BIRC6: variants seen among roughly 807,000 people sequenced by gnomAD.
The protein encoded by BIRC6 is dual E2 ubiquitin-conjugating enzyme/E3 ubiquitin-protein ligase BIRC6.
In BIRC6, 98 loss-of-function variants were observed where a neutral mutation model predicts 503.3. The ratio of observed to expected loss-of-function variants is 0.19; its 90% CI spans 0.17 to 0.23. The LOEUF is 0.23. Among genes scored for constraint, BIRC6 ranks in the 10% least tolerant of loss-of-function variants. BIRC6 has a pLI of 1.00. For missense variants in BIRC6, 5,360 were observed against 5,806.0 expected (o/e 0.92, Z 2.50); for synonymous variants, 2,240 against 2,078.7 (o/e 1.08, Z -2.11).
At chr2:32,506,213 A>T (rs1314374973) in intron 50 of BIRC6, among the ~76,000 whole-genome samples, 2 of 152,140 alleles carry the variant, frequency 1.3e-5, no homozygotes, top group African/African-American at 4.8e-5. Context: ...GAATTGTTTA[A>T]ATTAATACAC....
At chr2:32,522,852 CCA>C (rs1442335265) in intron 57 of BIRC6, 2 of 152,062 alleles carry the variant, frequency 1.3e-5, no homozygotes, top group African/African-American at 4.8e-5. Flanking sequence ...CTCTGGAGAT[CCA>C]GGGATCTCCA....
At chr2:32,519,739 A>C (rs543691595) in intron 57 of BIRC6, among the ~76,000 whole-genome samples, 135 of 152,244 alleles carry the variant, frequency 8.9e-4, no homozygotes, top group African/African-American at 3.2e-3. Context: ...GCTGGTCTCG[A>C]ACTCCTGACC....
intron 57 of BIRC6, among the ~76,000 whole-genome samples, chr2:32,519,537 G>T (rs147959440): frequency 5.3e-5 from 8 of 151,764 alleles, no homozygotes; most frequent in Admixed American, 4.6e-4. Context: ...AATTTTGAGA[G>T]GGGGGTCTCA....
chr2:32,495,019 G>A (rs1426460511), intron 45 of BIRC6, among the ~76,000 whole-genome samples: 1 of 152,188 alleles, frequency 6.6e-6, no homozygotes, highest in African/African-American at 2.4e-5. Context: ...TGAGGATTTT[G>A]TGAAATTTTG....
chr2:32,364,521 G>A (rs1279126606), intron 1 of BIRC6, among the ~76,000 whole-genome samples: 2 of 152,078 alleles, frequency 1.3e-5, no homozygotes, highest in African/African-American at 2.4e-5. Flanking sequence ...GATTGCAGGC[G>A]TGAGCCACCG....
Position 32,575,181 on chromosome 2 carries a change from A to G in BIRC6, c.13170A>G (p.Pro4390=), listed in dbSNP as rs1418230587. ...TTCTGGACATGGCAAGACATGTGCCACTCTATCGGGCACTGCTGGAATTGC... is the reference window on the plus strand; with the variant it reads ...TTCTGGACATGGCAAGACATGTGCCGCTCTATCGGGCACTGCTGGAATTGC... ...DSVLDMARHV[P]LYRALLELLR... is the part of the protein sequence containing the mutation. Residue 4390 remains proline (P), a synonymous_variant, in exon 66 of 74, where the codon CCA becomes CCG. Coordinates refer to ENST00000421745, the MANE Select transcript of BIRC6 (RefSeq NM_016252.4). 6.2e-7 allele frequency: 1 copy of G among 1,613,472 alleles called. No homozygotes were observed. Among genetic ancestry groups the G allele is most frequent in the Non-Finnish European group, 8.5e-7 (1 of 1,179,828 alleles).
chr2:32,500,534 C>G (rs568158313), intron 46 of BIRC6, among the ~76,000 whole-genome samples: 22 of 151,914 alleles, frequency 1.4e-4, no homozygotes, highest in Non-Finnish European at 2.4e-4. Context: ...ACTCCTGCCT[C>G]AGCCTACCGA....
intron 10 of BIRC6, among the ~76,000 whole-genome samples, chr2:32,427,727 A>G (rs1299015591): frequency 6.6e-6 from 1 of 152,058 alleles, no homozygotes; most frequent in Non-Finnish European, 1.5e-5. Context: ...GAAGTCCGAG[A>G]AGACATTTTC....
At chr2:32,389,324 C>G (rs2038910883) in intron 4 of BIRC6, among the ~76,000 whole-genome samples, 1 of 150,440 alleles carries the variant, frequency 6.6e-6, no homozygotes, top group Admixed American at 6.6e-5. Context: ...TAAATTTTGC[C>G]TAACTTACCA....
chr2:32,544,623 A>G (rs1192837743), intron 62 of BIRC6, among the ~76,000 whole-genome samples: 21 of 151,830 alleles, frequency 1.4e-4, no homozygotes, highest in Non-Finnish European at 1.5e-5. Context: ...TTTAGAAAGA[A>G]TAAAATGTTA....
At chr2:32,358,069 G>T (rs894183662) in intron 1 of BIRC6, among the ~76,000 whole-genome samples, 6 of 138,758 alleles carry the variant, frequency 4.3e-5, no homozygotes, top group Non-Finnish European at 7.8e-5. Flanking sequence ...CGTGGTGGGG[G>T]TGGGGAGGGA....
intron 61 of BIRC6, among the ~76,000 whole-genome samples, chr2:32,539,646 G>A (rs1339951632): frequency 3.3e-5 from 5 of 152,078 alleles, no homozygotes; most frequent in Non-Finnish European, 5.9e-5. Context: ...AACATGACAT[G>A]GGATATAGCT....
chr2:32,605,904 G>T (rs941076159), intron 71 of BIRC6, among the ~76,000 whole-genome samples: 1 of 152,134 alleles, frequency 6.6e-6, no homozygotes, highest in African/African-American at 2.4e-5. Flanking sequence ...CTTTATCTCA[G>T]AAATAATATG....
At chr2:32,492,894 C>A (rs2149352556) in intron 44 of BIRC6, among the ~76,000 whole-genome samples, 1 of 151,902 alleles carries the variant, frequency 6.6e-6, no homozygotes, top group East Asian at 1.9e-4. Flanking sequence ...ATGAGTTGTT[C>A]ATCAAATCAA....
At chr2:32,503,821 T>A (rs1056157752) in intron 49 of BIRC6, among the ~76,000 whole-genome samples, 4 of 152,164 alleles carry the variant, frequency 2.6e-5, no homozygotes, top group African/African-American at 9.7e-5. Flanking sequence ...GATTCTTCCG[T>A]AAGTTTTCTC....
At position 32,441,366 on chromosome 2, in the gene BIRC6, G is replaced by T; in HGVS notation, c.3848G>T (p.Gly1283Val). The T allele has an allele frequency of 6.3e-7, 1 of 1,595,748 alleles. No individual in the cohort carries two copies. The highest frequency in any genetic ancestry group is 1.1e-5 in the South Asian group (1 of 89,326). Residue 1283 changes from glycine to valine, a missense_variant, in exon 17 of 74, where the codon GGC becomes GTC. By Grantham distance (109) the Gly-to-Val change is moderately radical. Around this residue, in one of 16 missense-constraint regions of BIRC6, gnomAD observed 2,299 missense variants for 2,267.2 expected, o/e 1.01. Transcript: ENST00000421745. ...SSNVKNENTS[G>V]TRKSENLRGC... ...AATGTTAAGAATGAAAATACAAGTG[G>T]CACCCGTAAATCTGAAAACCTCCGG...
At chr2:32,493,791 TA>T in intron 45 of BIRC6, 124 bp downstream of exon 45, 1 of 714,030 alleles carries the variant, frequency 1.4e-6, no homozygotes, top group Non-Finnish European at 2.2e-6. Flanking sequence ...CGGTAGTAAT[TA>T]AGGGGGAAGG....
intron 5 of BIRC6, 68 bp downstream of exon 5, chr2:32,392,218 T>G: frequency 1.8e-6 from 2 of 1,093,048 alleles, no homozygotes; most frequent in Non-Finnish European, 2.7e-6. Flanking sequence ...AATTATCACA[T>G]TTTTTTAACT....
rs70938348 is a variant in BIRC6 at position 32,473,706 on chromosome 2, C to CGTGTGTGT, written c.6720+504_6720+511dup. On this transcript the variant is annotated intron_variant, in intron 33 of 73. Transcript: ENST00000421745. ...TTTCCATGTCTTTTTTCTCCTTTTT[C>CGTGTGTGT]GTGTGTGTGTGTGTGTGTGTGTGTG... is the stretch of plus-strand genomic sequence containing the variant. Among the ~76,000 whole-genome samples the CGTGTGTGT allele has an allele frequency of 2.9e-3, 208 of 72,684 alleles. 2 individuals are homozygous for CGTGTGTGT. The highest frequency in any genetic ancestry group is 0.011 in the East Asian group (26 of 2,454). 47.7% of individuals were successfully genotyped at this position (72,684 alleles called of 152,430 possible).
Sources: gnomAD v4.1 joint callset for allele counts (sites outside exome capture counted in the v4.1 genomes callset) on GRCh38, gnomAD v4.1.1 for gene constraint, gnomAD v4.1.1 regional missense constraint, MANE v1.5 for transcripts, NCBI Gene and HGNC (gene_info 2026-07-23, HGNC 2026-07-21) for gene names.